Variants in SLC35D4 observed in about 807,000 individuals in gnomAD.
SLC35D4 encodes solute carrier family 35 member D4.
chr18:23,241,390 G>A, the SLC35D4 span, among the ~76,000 whole-genome samples: 1 of 152,070 alleles, frequency 6.6e-6, no homozygotes, highest in African/African-American at 2.4e-5. Flanking sequence ...AATTAGCTGG[G>A]CATAGTGGCA....
At chr18:23,292,703 G>A in the SLC35D4 span, among the ~76,000 whole-genome samples, 4 of 152,288 alleles carry the variant, frequency 2.6e-5, no homozygotes, top group South Asian at 6.2e-4. Flanking sequence ...AGCTGGGTGG[G>A]CCTGGAAAAG....
At chr18:23,253,577 A>G in the SLC35D4 span, 1 of 652,576 alleles carries the variant, frequency 1.5e-6, no homozygotes, top group Non-Finnish European at 2.7e-6. Context: ...CCCATGCATA[A>G]CGCAGCCTTC....
At chr18:23,301,139 T>C in the SLC35D4 span, among the ~76,000 whole-genome samples, 4 of 152,216 alleles carry the variant, frequency 2.6e-5, no homozygotes, top group Non-Finnish European at 5.9e-5. Flanking sequence ...TCCTAAACTA[T>C]TTTTTCCTTT....
the SLC35D4 span, among the ~76,000 whole-genome samples, chr18:23,303,758 G>A: frequency 1.3e-5 from 2 of 151,926 alleles, no homozygotes; most frequent in Admixed American, 6.6e-5. Context: ...AAAATTAGTC[G>A]GGCATGGTGG....
the SLC35D4 span, among the ~76,000 whole-genome samples, chr18:23,352,015 G>T: frequency 6.6e-6 from 1 of 152,166 alleles, no homozygotes; most frequent in Non-Finnish European, 1.5e-5. Flanking sequence ...GATGAAATAT[G>T]CCATGTTGAT....
the SLC35D4 span, among the ~76,000 whole-genome samples, chr18:23,322,381 A>G: frequency 4.6e-5 from 7 of 152,194 alleles, no homozygotes; most frequent in African/African-American, 7.2e-5. Flanking sequence ...ATATCCCGAG[A>G]AAGGAGGTGG....
the SLC35D4 span, among the ~76,000 whole-genome samples, chr18:23,244,561 G>A: frequency 1.0e-3 from 153 of 152,356 alleles, 1 homozygote; most frequent in Non-Finnish European, 1.6e-3. Context: ...GATAGATTTA[G>A]TCGAGGGCCA....
the SLC35D4 span, chr18:23,258,628 G>GAATT: frequency 6.6e-6 from 1 of 152,236 alleles, no homozygotes; most frequent in Non-Finnish European, 1.5e-5. Flanking sequence ...TGTAAAAAGA[G>GAATT]AATTAAACTC....
At chr18:23,398,722 AT>A in the SLC35D4 span, among the ~76,000 whole-genome samples, 1 of 152,316 alleles carries the variant, frequency 6.6e-6, no homozygotes, top group African/African-American at 2.4e-5. Context: ...AATTAGGCAG[AT>A]TTTATTTGTT....
the SLC35D4 span, among the ~76,000 whole-genome samples, chr18:23,436,228 A>G: frequency 3.3e-5 from 5 of 151,482 alleles, no homozygotes; most frequent in Non-Finnish European, 5.9e-5. Context: ...GGGTTTCGCC[A>G]TGCTGGCCAG....
chr18:23,289,882 C>T, the SLC35D4 span, among the ~76,000 whole-genome samples: 1 of 152,092 alleles, frequency 6.6e-6, no homozygotes, highest in African/African-American at 2.4e-5. Context: ...CAGAGAACAA[C>T]CCCCCTTTTT....
chr18:23,433,165 T>C, the SLC35D4 span, among the ~76,000 whole-genome samples: 21 of 151,826 alleles, frequency 1.4e-4, no homozygotes, highest in Non-Finnish European at 1.0e-4. Context: ...GTTCAAGTGG[T>C]GTTCCTGCCT....
At chr18:23,258,791 C>G in the SLC35D4 span, 39 of 152,184 alleles carry the variant, frequency 2.6e-4, no homozygotes, top group African/African-American at 9.4e-4. Context: ...GGCGATGGAA[C>G]CGAACCGAGG....
chr18:23,363,930 G>A, the SLC35D4 span, among the ~76,000 whole-genome samples: 10 of 152,322 alleles, frequency 6.6e-5, no homozygotes, highest in Admixed American at 3.3e-4. Context: ...AGAAGTCATC[G>A]TTCATAGGAG....
chr18:23,248,104 C>A, the SLC35D4 span, among the ~76,000 whole-genome samples: 2 of 152,256 alleles, frequency 1.3e-5, no homozygotes, highest in African/African-American at 4.8e-5. Flanking sequence ...CGCGCTCTGC[C>A]ACCCTTGCCC....
chr18:23,394,902 G>A, the SLC35D4 span, among the ~76,000 whole-genome samples: 1 of 143,624 alleles, frequency 7.0e-6, no homozygotes, highest in Non-Finnish European at 1.5e-5. Context: ...AGAATCACTT[G>A]AACCTGGGAG....
the SLC35D4 span, among the ~76,000 whole-genome samples, chr18:23,410,153 G>A: frequency 6.6e-6 from 1 of 152,136 alleles, no homozygotes; most frequent in African/African-American, 2.4e-5. Flanking sequence ...CGATATGTAG[G>A]ATAAATTCCC....
the SLC35D4 span, among the ~76,000 whole-genome samples, chr18:23,431,151 C>T: frequency 2.0e-4 from 7 of 35,814 alleles, no homozygotes; most frequent in African/African-American, 6.5e-4. Context: ...GAGAGTATAT[C>T]TCAAAAAAAA....
the SLC35D4 span, among the ~76,000 whole-genome samples, chr18:23,238,654 G>A: frequency 6.6e-6 from 1 of 152,204 alleles, no homozygotes; most frequent in African/African-American, 2.4e-5. Context: ...GGGAGCAACT[G>A]GTGTAAGAAT....
Sources: gnomAD v4.1 joint callset for allele counts (sites outside exome capture counted in the v4.1 genomes callset) on GRCh38, gnomAD v4.1.1 for gene constraint, MANE v1.5 for transcripts, NCBI Gene and HGNC (gene_info 2026-07-23, HGNC 2026-07-21) for gene names.